GUCY1A2: variants seen among roughly 807,000 people sequenced by gnomAD.
The protein encoded by GUCY1A2 is guanylate cyclase 1 soluble subunit alpha 2.
Under a neutral mutation model 63.5 loss-of-function variants are expected in GUCY1A2, and 27 were observed. That is an observed-to-expected ratio of 0.43 (90% CI 0.31 to 0.59). The LOEUF is 0.59. Ranked by LOEUF, GUCY1A2 falls within the 20% of genes least tolerant of loss-of-function variation. The probability of loss-of-function intolerance (pLI) is 0.11; values close to 1 mark genes in which losing one functional copy is unlikely to be tolerated. For synonymous variants in GUCY1A2, 364 were observed against 343.5 expected (o/e 1.06, Z -0.66); for missense variants, 768 against 913.3 (o/e 0.84, Z 2.05).
intron 4 of GUCY1A2, among the ~76,000 whole-genome samples, chr11:106,830,496 G>T (rs906127951): frequency 6.6e-6 from 1 of 152,182 alleles, no homozygotes; most frequent in Non-Finnish European, 1.5e-5. Context: ...CCCTCAATCC[G>T]GGTGGGCACC....
Position 106,939,512 on chromosome 11 carries a change from G to T in GUCY1A2, c.1154C>A (p.Pro385Gln), listed in dbSNP as rs777713959. ...CTCAGGCTTGGTTCTAATCACAAAC[G>T]GGGTAGACAGTCGCAGCAGGACCCT... ...FERVLLRLST[P>Q]FVIRTKPEAS... The change falls in exon 4 of 8, where the codon CCG becomes CAG. Residue 385 changes from proline (P) to glutamine (Q), a missense_variant. Pro to Gln is a moderately conservative substitution (Grantham distance 76). Coordinates refer to ENST00000526355, the MANE Select transcript of GUCY1A2 (RefSeq NM_000855.3). The T allele has an allele frequency of 6.2e-7, 1 of 1,611,936 alleles. No individual in the cohort carries two copies. The highest frequency in any genetic ancestry group is 1.7e-5 in the Admixed American group (1 of 59,958).
chr11:106,880,975 C>T (rs1479400843), intron 4 of GUCY1A2, among the ~76,000 whole-genome samples: 1 of 152,136 alleles, frequency 6.6e-6, no homozygotes, highest in African/African-American at 2.4e-5. Flanking sequence ...CATTAACTAA[C>T]TGCAGGACTA....
At chr11:106,739,344 G>T (rs1863648793) in intron 6 of GUCY1A2, among the ~76,000 whole-genome samples, 1 of 152,160 alleles carries the variant, frequency 6.6e-6, no homozygotes, top group South Asian at 2.1e-4. Context: ...GAGACAATTT[G>T]ACTTCCTCTC....
intron 4 of GUCY1A2, among the ~76,000 whole-genome samples, chr11:106,903,110 AAAAT>A (rs1860157003): frequency 6.7e-6 from 1 of 149,512 alleles, no homozygotes; most frequent in Non-Finnish European, 1.5e-5. Flanking sequence ...TTCTAAGGAT[AAAAT>A]AAATATGTAA....
chr11:106,978,742 T>C lies in GUCY1A2; in HGVS notation c.366-2A>G. 3 of 1,590,436 alleles carry C rather than the reference T, an allele frequency of 1.9e-6. No homozygotes were observed. The highest frequency in any genetic ancestry group is 1.7e-6 in the Non-Finnish European group (2 of 1,170,858). On this transcript the variant is annotated splice_acceptor_variant, in intron 2 of 7. Transcript: ENST00000526355. LOFTEE classifies it high-confidence loss of function. ...AAATTCTTTTCTGCATCCCTGTAAC[T>C]AAGAAGAAAACAAAATTAGCATAAG... is the stretch of plus-strand genomic sequence containing the variant.
intron 4 of GUCY1A2, among the ~76,000 whole-genome samples, chr11:106,908,670 T>C (rs1591323234): frequency 6.6e-6 from 1 of 151,958 alleles, no homozygotes; most frequent in East Asian, 1.9e-4. Flanking sequence ...AAAAAGTGAA[T>C]AAAATCAGAT....
chr11:106,895,269 A>G (rs950586164), intron 4 of GUCY1A2, among the ~76,000 whole-genome samples: 2 of 152,216 alleles, frequency 1.3e-5, no homozygotes, highest in East Asian at 1.9e-4. Flanking sequence ...GAAATGACCC[A>G]GGCCAGATGA....
In GUCY1A2 at chr11:106,681,987, T is replaced by C. The variant is rs951383954; in HGVS notation, c.*5562A>G. 6.1e-5 allele frequency: 13 copies of C among 212,772 alleles called. No homozygotes were observed. The highest frequency in any genetic ancestry group is 9.5e-5 in the Non-Finnish European group (10 of 105,652). The allele number at this position is 212,772 out of a possible 1,614,324, so 13.2% of individuals were successfully genotyped here. A position where few individuals can be genotyped will look rare whatever the true frequency, so the allele number is the denominator to read the frequency against. ...ATTTGCTTCTGTGTCCCAAAGGTCATAGTTTTTACCTCGGTGGTGAGGATT... is the reference window on the plus strand; with the variant it reads ...ATTTGCTTCTGTGTCCCAAAGGTCACAGTTTTTACCTCGGTGGTGAGGATT... On this transcript the variant is annotated 3_prime_UTR_variant, in exon 8 of 8. Coordinates refer to ENST00000526355, the MANE Select transcript of GUCY1A2 (RefSeq NM_000855.3).
chr11:106,699,154 C>T (rs189685355), intron 7 of GUCY1A2, among the ~76,000 whole-genome samples: 1 of 152,162 alleles, frequency 6.6e-6, no homozygotes, highest in Admixed American at 6.5e-5. Context: ...AAGAACTTGG[C>T]CTTTTTAGCT....
At chr11:106,866,003 C>T (rs933897899) in intron 4 of GUCY1A2, among the ~76,000 whole-genome samples, 6 of 151,858 alleles carry the variant, frequency 4.0e-5, no homozygotes, top group African/African-American at 1.5e-4. Flanking sequence ...CAGCATCTAT[C>T]ATAGCACCTT....
chr11:106,840,931 T>C (rs1484984830), intron 4 of GUCY1A2, among the ~76,000 whole-genome samples: 1 of 151,960 alleles, frequency 6.6e-6, no homozygotes. Flanking sequence ...AACATAAAGT[T>C]TTAGTTCAAA....
chr11:106,747,609 A>AT (rs1295740346), intron 6 of GUCY1A2, among the ~76,000 whole-genome samples: 2 of 152,194 alleles, frequency 1.3e-5, no homozygotes, highest in Admixed American at 6.5e-5. Flanking sequence ...GGGTTTTTGC[A>AT]TTTTTTCCCT....
intron 6 of GUCY1A2, among the ~76,000 whole-genome samples, chr11:106,733,665 G>A (rs1863540280): frequency 1.3e-5 from 2 of 152,060 alleles, no homozygotes; most frequent in South Asian, 4.1e-4. Context: ...AGGTTTAGAA[G>A]TACTGAGCGA....
intron 1 of GUCY1A2, among the ~76,000 whole-genome samples, chr11:107,008,804 A>G (rs950029531): frequency 1.2e-4 from 19 of 152,248 alleles, no homozygotes; most frequent in African/African-American, 4.6e-4. Context: ...GCGTGTGTAC[A>G]TAAAAACAGT....
At chr11:106,741,556 A>T (rs1307402856) in intron 6 of GUCY1A2, among the ~76,000 whole-genome samples, 1 of 152,240 alleles carries the variant, frequency 6.6e-6, no homozygotes, top group East Asian at 1.9e-4. Context: ...ATGGTATTAC[A>T]TTAGACACCA....
At chr11:106,781,651 C>T (rs1280690780) in intron 5 of GUCY1A2, among the ~76,000 whole-genome samples, 1 of 151,960 alleles carries the variant, frequency 6.6e-6, no homozygotes, top group African/African-American at 2.4e-5. Context: ...GCAACCCCTC[C>T]ATCCCGGGTT....
intron 4 of GUCY1A2, among the ~76,000 whole-genome samples, chr11:106,897,211 GGAGA>G (rs926859804): frequency 1.3e-5 from 2 of 152,044 alleles, no homozygotes; most frequent in Admixed American, 1.3e-4. Flanking sequence ...CTACATAAGT[GGAGA>G]GAGAGTCTAT....
At chr11:106,852,205 C>G (rs1859365540) in intron 4 of GUCY1A2, among the ~76,000 whole-genome samples, 1 of 151,740 alleles carries the variant, frequency 6.6e-6, no homozygotes, top group South Asian at 2.1e-4. Context: ...CTAAGAGATT[C>G]TTTTTTATGG....
chr11:106,855,520 C>T (rs1446732161), intron 4 of GUCY1A2, among the ~76,000 whole-genome samples: 1 of 152,100 alleles, frequency 6.6e-6, no homozygotes, highest in Non-Finnish European at 1.5e-5. Context: ...TTCTAGTCAG[C>T]CACCTTGATC....
Sources: gnomAD v4.1 joint callset for allele counts (sites outside exome capture counted in the v4.1 genomes callset) on GRCh38, gnomAD v4.1.1 for gene constraint, MANE v1.5 for transcripts, NCBI Gene and HGNC (gene_info 2026-07-23, HGNC 2026-07-21) for gene names.